The following PEX11G variants were observed in gnomAD, a reference collection of about 807,000 sequenced individuals.
The protein encoded by PEX11G is peroxisomal membrane protein 11C.
In PEX11G, 20 loss-of-function variants were observed where a neutral mutation model predicts 22.5. The observed-to-expected ratio is 0.89, with a 90% CI of 0.62 to 1.29. The LOEUF is 1.29. Ranked by LOEUF, PEX11G falls within the 50% of genes most tolerant of loss-of-function variation. The probability of loss-of-function intolerance (pLI) is 0.00; values close to 1 mark genes in which losing one functional copy is unlikely to be tolerated. For missense variants in PEX11G, 347 were observed against 331.3 expected (o/e 1.05, Z -0.37); for synonymous variants, 141 against 154.5 (o/e 0.91, Z 0.65).
chr19:7,483,744 A>G (rs1977614239), intron 2 of PEX11G, among the ~76,000 whole-genome samples: 1 of 152,124 alleles, frequency 6.6e-6, no homozygotes, highest in Non-Finnish European at 1.5e-5. Context: ...GGAGCACCTG[A>G]GTAGCAAGTG....
At position 7,482,910 on chromosome 19, in the gene PEX11G, C is replaced by T. The variant is rs1482554940; in HGVS notation, c.250-699G>A. On this transcript the variant is annotated intron_variant, in intron 2 of 4. Transcript: ENST00000221480. Reference sequence around the variant, plus strand: ...AGGCCCTCGAATTGCAATGCACACGCGGGCTCTCGGTCCTGCACAGTGCCC... The same window carrying T: ...AGGCCCTCGAATTGCAATGCACACGTGGGCTCTCGGTCCTGCACAGTGCCC... Among the ~76,000 whole-genome samples, 4 of 152,242 alleles carry T rather than the reference C, an allele frequency of 2.6e-5. No individual in the cohort carries two copies. In the East Asian group the frequency reaches 7.7e-4, roughly 29 times the overall value.
chr19:7,485,138 C>A (rs1199934675), intron 2 of PEX11G, among the ~76,000 whole-genome samples: 1 of 151,710 alleles, frequency 6.6e-6, no homozygotes, highest in Non-Finnish European at 1.5e-5. Context: ...GCCTGTATGA[C>A]AAAGCAAGAC....
chr19:7,490,309 T>C, upstream of PEX11G, among the ~76,000 whole-genome samples: 1 of 152,228 alleles, frequency 6.6e-6, no homozygotes, highest in East Asian at 1.9e-4. Flanking sequence ...TGTTAATAAA[T>C]TTGTTTTTCC....
At chr19:7,483,443 G>C (rs1024925568) in intron 2 of PEX11G, 3 of 152,688 alleles carry the variant, frequency 2.0e-5, no homozygotes. Context: ...CCAGGGCAGG[G>C]AGGAACGCAG....
Position 7,485,911 on chromosome 19 carries a change from C to CA in PEX11G, c.175dup (p.Cys59LeufsTer9), listed in dbSNP as rs776389251. Reference sequence around the variant, plus strand: ...ATCAAAGAGTCGCAAGATGGTCCTGCAGTGGCTGAGTTGGGTGGACACCAC... The same window carrying CA: ...ATCAAAGAGTCGCAAGATGGTCCTGCAAGTGGCTGAGTTGGGTGGACACCAC... On this transcript the variant is annotated frameshift_variant, in exon 2 of 5. Coordinates refer to ENST00000221480, the MANE Select transcript of PEX11G (RefSeq NM_080662.4). LOFTEE classifies it high-confidence loss of function. The CA allele has an allele frequency of 2.5e-5, 41 of 1,613,824 alleles. No individual in the cohort carries two copies. In the East Asian group the frequency reaches 8.7e-4, roughly 34 times the overall value.
chr19:7,489,126 C>A (rs115226150), upstream of PEX11G: 50 of 1,278,066 alleles, frequency 3.9e-5, 1 homozygote, highest in Middle Eastern at 2.8e-4. Context: ...GGCCTTTGTC[C>A]CCCTGACCGG....
At chr19:7,478,878 G>C (rs1324358556) in intron 3 of PEX11G, among the ~76,000 whole-genome samples, 1 of 152,162 alleles carries the variant, frequency 6.6e-6, no homozygotes, top group Non-Finnish European at 1.5e-5. Flanking sequence ...TGATCCCCTG[G>C]GCCCCCAGGG....
chr19:7,489,453 CACA>C (rs1174092291), upstream of PEX11G: 38 of 994,484 alleles, frequency 3.8e-5, no homozygotes, highest in Middle Eastern at 5.1e-4. Context: ...GCTGTAATAT[CACA>C]ACAAGGCATC....
At chr19:7,484,382 G>C (rs1232445797) in intron 2 of PEX11G, among the ~76,000 whole-genome samples, 1 of 151,666 alleles carries the variant, frequency 6.6e-6, no homozygotes, top group African/African-American at 2.4e-5. Flanking sequence ...AAGAAATGAT[G>C]CCGAAGCTGT....
chr19:7,494,113 G>C (rs1205696433), intron 1 of PEX11G, among the ~76,000 whole-genome samples: 1 of 152,122 alleles, frequency 6.6e-6, no homozygotes, highest in Non-Finnish European at 1.5e-5. Flanking sequence ...TGCCCTGTTG[G>C]CCAGGCTGGT....
intron 3 of PEX11G, among the ~76,000 whole-genome samples, chr19:7,479,710 G>T (rs1307615204): frequency 6.6e-6 from 1 of 151,724 alleles, no homozygotes; most frequent in African/African-American, 2.4e-5. Flanking sequence ...ACAGGACTTC[G>T]ATGGCCGTGA....
chr19:7,486,283 C>T (rs181662521), intron 1 of PEX11G, among the ~76,000 whole-genome samples: 144 of 152,042 alleles, frequency 9.5e-4, no homozygotes, highest in Non-Finnish European at 1.6e-3. Context: ...CCCACCACCA[C>T]ACCCTGCTAA....
chr19:7,485,780 T>A (rs902081443), intron 2 of PEX11G, 58 bp downstream of exon 2: 118 of 1,454,834 alleles, frequency 8.1e-5, no homozygotes, highest in Non-Finnish European at 1.0e-4. Context: ...AAAAATTTTT[T>A]AAAAAATGTC....
intron 3 of PEX11G, 115 bp downstream of exon 3, chr19:7,481,918 G>A: frequency 9.5e-7 from 1 of 1,052,682 alleles, no homozygotes; most frequent in South Asian, 2.1e-5. Context: ...AAAACTCTAA[G>A]AGGCAAAGAC....
chr19:7,481,203 G>C (rs558369530), intron 3 of PEX11G, among the ~76,000 whole-genome samples: 15 of 151,454 alleles, frequency 9.9e-5, no homozygotes, highest in African/African-American at 3.7e-4. Flanking sequence ...TTAAGCTAAG[G>C]ATTTTTTCTT....
intron 1 of PEX11G, among the ~76,000 whole-genome samples, chr19:7,488,249 G>A (rs970497695): frequency 6.6e-6 from 1 of 152,198 alleles, no homozygotes; most frequent in African/African-American, 2.4e-5. Context: ...GGAACCCATC[G>A]CTGCTTAGGC....
chr19:7,491,355 C>T (rs928353721), upstream of PEX11G, among the ~76,000 whole-genome samples: 4 of 150,566 alleles, frequency 2.7e-5, no homozygotes, highest in Admixed American at 6.6e-5. Flanking sequence ...CGGCAGCCTC[C>T]GCCTCCCAAG....
intron 4 of PEX11G, among the ~76,000 whole-genome samples, chr19:7,478,086 C>T (rs1977314612): frequency 6.6e-6 from 1 of 152,256 alleles, no homozygotes. Flanking sequence ...ATCATTCTCT[C>T]CTGCTGGGGG....
At chr19:7,480,755 C>G (rs923713557) in intron 3 of PEX11G, among the ~76,000 whole-genome samples, 1 of 152,150 alleles carries the variant, frequency 6.6e-6, no homozygotes. Flanking sequence ...AGGACACAGC[C>G]TGCCTGAGGC....
Sources: allele counts gnomAD v4.1 joint callset (sites outside exome capture counted in the v4.1 genomes callset), GRCh38; gene constraint gnomAD v4.1.1; transcripts MANE v1.5; gene names NCBI Gene and HGNC (gene_info 2026-07-23, HGNC 2026-07-21).